UBE2Z: variants seen among roughly 807,000 people sequenced by gnomAD.
UBE2Z encodes the protein ubiquitin conjugating enzyme E2 Z.
A neutral mutation model predicts 32.6 loss-of-function variants in UBE2Z; 10 were observed. The ratio of observed to expected loss-of-function variants is 0.31; its 90% confidence interval spans 0.19 to 0.52. The LOEUF is 0.52. Ranked by LOEUF, UBE2Z falls within the 20% of genes least tolerant of loss-of-function variation. The pLI, the probability that UBE2Z is intolerant of heterozygous loss-of-function variation, is 0.97. For missense variants in UBE2Z, 343 were observed against 480.9 expected (o/e 0.71, Z 2.68); for synonymous variants, 183 against 190.8 (o/e 0.96, Z 0.34).
intron 6 of UBE2Z, chr17:48,923,160 A>G (rs2040774196): frequency 2.8e-6 from 1 of 352,324 alleles, no homozygotes. Flanking sequence ...TCTCTACTAA[A>G]AATACAAAAA....
intron 5 of UBE2Z, 62 bp downstream of exon 5, chr17:48,921,334 G>T: frequency 7.6e-7 from 1 of 1,310,658 alleles, no homozygotes. Flanking sequence ...GGCATCTTTG[G>T]GGCAGAGTAC....
At chr17:48,915,527 C>T (rs867228877) in intron 3 of UBE2Z, among the ~76,000 whole-genome samples, 16 of 152,296 alleles carry the variant, frequency 1.1e-4, no homozygotes, top group Middle Eastern at 3.4e-3. Context: ...TGGAAGCACC[C>T]CTTATTCTCT....
intron 3 of UBE2Z, among the ~76,000 whole-genome samples, chr17:48,913,826 CTT>C (rs2040699107): frequency 6.6e-6 from 1 of 152,112 alleles, no homozygotes; most frequent in Non-Finnish European, 1.5e-5. Flanking sequence ...CAATAAGTTG[CTT>C]TGAAGGCAGT....
intron 5 of UBE2Z, among the ~76,000 whole-genome samples, 162 bp from the exon 6 acceptor site, chr17:48,922,685 T>C (rs2040768776): frequency 6.6e-6 from 1 of 151,458 alleles, no homozygotes; most frequent in Admixed American, 6.6e-5. Context: ...GAGAATTGCA[T>C]GAATCCGGGA....
chr17:48,910,666 G>A, intron 1 of UBE2Z, 142 bp from the exon 2 acceptor site: 3 of 684,752 alleles, frequency 4.4e-6, no homozygotes. Context: ...CAGCCAACAA[G>A]ACAGTACAAA....
chr17:48,908,611 G>T lies in UBE2Z; in HGVS notation c.108G>T (p.Gly36=), dbSNP rs2040647219. The T allele has an allele frequency of 2.4e-6, 3 of 1,237,954 alleles. No individual in the cohort carries two copies. Among genetic ancestry groups the T allele is most frequent in the Admixed American group, 8.5e-5 (2 of 23,482 alleles). 76.7% of individuals were successfully genotyped at this position (1,237,954 alleles called of 1,614,324 possible). The change falls in exon 1 of 7, where the codon GGG becomes GGT. Residue 36 remains glycine (G), a synonymous_variant. Transcript: ENST00000360943. ...TTGGCGTTAGCGGCAGCGGCGGCGG[G>T]TTCGGGCCGCCTTTCCTGCCGGATG... ...GVVGVSGSGG[G]FGPPFLPDVW...
chr17:48,920,587 C>G (rs1443124325), intron 4 of UBE2Z, among the ~76,000 whole-genome samples: 1 of 151,976 alleles, frequency 6.6e-6, no homozygotes, highest in African/African-American at 2.4e-5. Context: ...GTGGGAGGAT[C>G]GCTAGAGCCC....
chr17:48,909,011 A>T (rs1369872986), intron 1 of UBE2Z, 191 bp downstream of exon 1: 3 of 189,276 alleles, frequency 1.6e-5, no homozygotes, highest in Non-Finnish European at 2.8e-5. Flanking sequence ...TCAGACCCGC[A>T]AGCACCAACC....
At chr17:48,926,080 G>C (rs916062687) in intron 6 of UBE2Z, among the ~76,000 whole-genome samples, 20 of 152,114 alleles carry the variant, frequency 1.3e-4, no homozygotes, top group African/African-American at 4.8e-4. Flanking sequence ...AGGGATCTTT[G>C]ATCTAGAACA....
At chr17:48,909,305 T>G (rs1337952956) in intron 1 of UBE2Z, among the ~76,000 whole-genome samples, 1 of 151,802 alleles carries the variant, frequency 6.6e-6, no homozygotes, top group African/African-American at 2.4e-5. Flanking sequence ...GCCATGCCTC[T>G]GACTCGAGCC....
At chr17:48,914,243 C>T (rs2143762174) in intron 3 of UBE2Z, among the ~76,000 whole-genome samples, 1 of 152,278 alleles carries the variant, frequency 6.6e-6, no homozygotes, top group African/African-American at 2.4e-5. Flanking sequence ...CTGAACTTCT[C>T]TGGGACAGAG....
intron 4 of UBE2Z, among the ~76,000 whole-genome samples, chr17:48,918,017 A>G (rs2040732554): frequency 6.6e-6 from 1 of 152,110 alleles, no homozygotes; most frequent in South Asian, 2.1e-4. Flanking sequence ...GCTCACAGCA[A>G]CTTCTGCCTC....
chr17:48,924,434 A>T (rs1159703427), intron 6 of UBE2Z, among the ~76,000 whole-genome samples: 1 of 152,210 alleles, frequency 6.6e-6, no homozygotes, highest in African/African-American at 2.4e-5. Context: ...AAAGATTCCT[A>T]TTCAAAGATG....
intron 6 of UBE2Z, among the ~76,000 whole-genome samples, chr17:48,926,165 C>T (rs183572437): frequency 6.6e-6 from 1 of 151,982 alleles, no homozygotes; most frequent in African/African-American, 2.4e-5. Context: ...GTGACGAGTC[C>T]CTGGGGAGGA....
At position 48,920,135 on chromosome 17, in the gene UBE2Z, C is replaced by T. The variant is rs188712886; in HGVS notation, c.691-1025C>T. ...CCCAGGAATTCGAGGCAGCAGTAAC[C>T]TCTGATCATGCCACCACTCTCCAGC... is the stretch of plus-strand genomic sequence containing the variant. On this transcript the variant is annotated intron_variant, in intron 4 of 6. Transcript: ENST00000360943. Among the ~76,000 whole-genome samples, 314 of 152,238 alleles carry T rather than the reference C, an allele frequency of 2.1e-3. 2 individuals carry two copies. Among genetic ancestry groups the T allele is most frequent in the African/African-American group, 7.3e-3 (302 of 41,538 alleles).
chr17:48,908,907 C>G, intron 1 of UBE2Z, 87 bp downstream of exon 1: 1 of 1,038,206 alleles, frequency 9.6e-7, no homozygotes, highest in East Asian at 5.1e-5. Context: ...AACTCACCCC[C>G]CACCCACTGC....
rs1476737877 is a variant in UBE2Z at position 48,908,747 on chromosome 17, C to T, written c.244C>T (p.His82Tyr). 1 of 1,495,056 alleles carries T rather than the reference C, an allele frequency of 6.7e-7. No homozygotes were observed. The highest frequency in any genetic ancestry group is 8.9e-7 in the Non-Finnish European group (1 of 1,126,794). 92.6% of individuals were successfully genotyped at this position (1,495,056 alleles called of 1,614,324 possible). ...TGCCCACGGGGCCGCGCTGCTTAGC[C>T]ACTGGGACCCCACGCTCAGCTCCGA... Reference protein sequence around the residue: ...AAAHGAALLSHWDPTLSSDWD... With the variant: ...AAAHGAALLSYWDPTLSSDWD... Residue 82 changes from histidine (H) to tyrosine (Y), a missense_variant, in exon 1 of 7, where the codon CAC becomes TAC. His to Tyr is a moderately conservative substitution (Grantham distance 83). This residue lies in a region of UBE2Z where 55 missense variants were observed against 56.2 expected (regional missense o/e 0.98). Coordinates refer to ENST00000360943, the MANE Select transcript of UBE2Z (RefSeq NM_023079.5).
Position 48,908,463 on chromosome 17 carries a change from C to A in UBE2Z, c.-41C>A. 5.7e-6 allele frequency: 7 copies of A among 1,226,302 alleles called. No individual in the cohort carries two copies. In the South Asian group the frequency reaches 2.9e-4, roughly 51 times the overall value. 76.0% of individuals were successfully genotyped at this position (1,226,302 alleles called of 1,614,324 possible). A position where few individuals can be genotyped will look rare whatever the true frequency, so the allele number is the denominator to read the frequency against. ...GGGCGGGAGCAGCGGCCGCTCTGGTCGGCGGACGTGCTGCCGAGTAGTCCC... is the reference window on the plus strand; with the variant it reads ...GGGCGGGAGCAGCGGCCGCTCTGGTAGGCGGACGTGCTGCCGAGTAGTCCC... On this transcript the variant is annotated 5_prime_UTR_variant, in exon 1 of 7. Coordinates refer to ENST00000360943, the MANE Select transcript of UBE2Z (RefSeq NM_023079.5).
chr17:48,914,605 T>C (rs1200572054), intron 3 of UBE2Z, among the ~76,000 whole-genome samples: 1 of 152,212 alleles, frequency 6.6e-6, no homozygotes, highest in East Asian at 1.9e-4. Context: ...CTCTCCCTCA[T>C]TGGGTCAATA....
Sources: gnomAD v4.1 joint callset for allele counts (sites outside exome capture counted in the v4.1 genomes callset) on GRCh38, gnomAD v4.1.1 for gene constraint, gnomAD v4.1.1 regional missense constraint, MANE v1.5 for transcripts, NCBI Gene and HGNC (gene_info 2026-07-23, HGNC 2026-07-21) for gene names.